The following GLIS3 variants were observed in gnomAD, a reference collection of about 807,000 sequenced individuals.
GLIS3 encodes the protein GLIS family zinc finger 3.
Under a neutral mutation model 78.6 loss-of-function variants are expected in GLIS3, and 53 were observed. The observed-to-expected ratio is 0.67, with a 90% CI of 0.54 to 0.85. The LOEUF is 0.85. Among genes scored for constraint, GLIS3 ranks in the 40% least tolerant of loss-of-function variants. The probability of loss-of-function intolerance (pLI) is 0.00; values close to 1 mark genes in which losing one functional copy is unlikely to be tolerated. For synonymous variants in GLIS3, 684 were observed against 509.9 expected (o/e 1.34, Z -4.60); for missense variants, 1,703 against 1,231.1 (o/e 1.38, Z -5.74).
intron 6 of GLIS3, among the ~76,000 whole-genome samples, chr9:3,921,539 T>A (rs751334922): frequency 2.0e-5 from 3 of 151,940 alleles, no homozygotes; most frequent in Non-Finnish European, 2.9e-5. Flanking sequence ...AAAGCTGGAG[T>A]TTAAACAAAA....
the GLIS3 span, among the ~76,000 whole-genome samples, chr9:4,397,220 T>C: frequency 7.0e-5 from 10 of 142,326 alleles, 1 homozygote; most frequent in Middle Eastern, 0.011. Flanking sequence ...AGAGACGGGG[T>C]TTCACCGTTT....
intron 4 of GLIS3, among the ~76,000 whole-genome samples, chr9:4,308,348 T>G (rs1817281695): frequency 6.8e-6 from 1 of 147,290 alleles, no homozygotes; most frequent in Non-Finnish European, 1.5e-5. Flanking sequence ...GGAGAGGAGG[T>G]GAGAAAACAG....
chr9:4,198,482 A>C (rs955862801), intron 2 of GLIS3, among the ~76,000 whole-genome samples: 2 of 152,206 alleles, frequency 1.3e-5, no homozygotes, highest in African/African-American at 4.8e-5. Flanking sequence ...CCAGTCTTTC[A>C]AACTAACCCC....
At chr9:4,024,001 G>A (rs904808208) in intron 4 of GLIS3, among the ~76,000 whole-genome samples, 4 of 150,204 alleles carry the variant, frequency 2.7e-5, no homozygotes, top group African/African-American at 9.8e-5. Flanking sequence ...TTCATTCATA[G>A]AGGATAAAAT....
At chr9:4,255,488 GGATA>G (rs763521044) in intron 2 of GLIS3, among the ~76,000 whole-genome samples, 18 of 152,168 alleles carry the variant, frequency 1.2e-4, no homozygotes, top group Non-Finnish European at 1.6e-4. Context: ...GTGGGTGAAT[GGATA>G]AACAGTCGTA....
chr9:3,915,043 T>C (rs945791071), intron 6 of GLIS3, among the ~76,000 whole-genome samples: 6 of 152,012 alleles, frequency 3.9e-5, no homozygotes, highest in African/African-American at 1.5e-4. Context: ...CATGACCTTT[T>C]GATGCTTTGG....
At chr9:4,053,705 T>TAAAAAAAAAAAAAAAAAAAAAAAAAAA (rs760535978) in intron 4 of GLIS3, among the ~76,000 whole-genome samples, 5 of 91,146 alleles carry the variant, frequency 5.5e-5, no homozygotes, top group African/African-American at 1.8e-4. Context: ...TCTTTCTTCA[T>TAAAAAAAAAAAAAAAAAAAAAAAAAAA]AAAAAAAAAA....
At chr9:4,400,028 C>T in the GLIS3 span, among the ~76,000 whole-genome samples, 1 of 152,078 alleles carries the variant, frequency 6.6e-6, no homozygotes, top group African/African-American at 2.4e-5. Context: ...GACAAGGCCA[C>T]AGGGCAAGCA....
chr9:4,312,877 G>A (rs984439781), intron 2 of GLIS3, among the ~76,000 whole-genome samples: 1 of 152,190 alleles, frequency 6.6e-6, no homozygotes, highest in Non-Finnish European at 1.5e-5. Flanking sequence ...GGCCAGGCAT[G>A]TTACATATAT....
At chr9:3,880,029 C>T (rs1038312000) in intron 7 of GLIS3, among the ~76,000 whole-genome samples, 1 of 152,132 alleles carries the variant, frequency 6.6e-6, no homozygotes, top group Non-Finnish European at 1.5e-5. Flanking sequence ...CTGCAGTGAG[C>T]CACGGTAGGT....
At chr9:4,135,493 G>A (rs1833337997) in intron 2 of GLIS3, among the ~76,000 whole-genome samples, 1 of 152,040 alleles carries the variant, frequency 6.6e-6, no homozygotes, top group African/African-American at 2.4e-5. Flanking sequence ...AACTATGACT[G>A]TTTTGACAAA....
At chr9:4,050,082 G>T (rs187095389) in intron 4 of GLIS3, among the ~76,000 whole-genome samples, 2 of 152,236 alleles carry the variant, frequency 1.3e-5, no homozygotes, top group African/African-American at 2.4e-5. Flanking sequence ...ATTTGACCCA[G>T]CCATCCCATT....
intron 4 of GLIS3, among the ~76,000 whole-genome samples, chr9:4,004,594 T>C (rs1821393140): frequency 6.6e-6 from 1 of 152,150 alleles, no homozygotes; most frequent in African/African-American, 2.4e-5. Context: ...TTGGAGAAGT[T>C]TGGCATCACT....
the GLIS3 span, among the ~76,000 whole-genome samples, chr9:4,464,111 C>T: frequency 2.2e-4 from 34 of 152,196 alleles, no homozygotes; most frequent in Admixed American, 5.9e-4. Flanking sequence ...GAAAAAATCA[C>T]TCCCTTTTCA....
intron 4 of GLIS3, among the ~76,000 whole-genome samples, chr9:4,012,197 T>A (rs1261932758): frequency 6.6e-6 from 1 of 152,176 alleles, no homozygotes; most frequent in South Asian, 2.1e-4. Flanking sequence ...ACAATGCAAG[T>A]ATGGGGCAGT....
intron 2 of GLIS3, among the ~76,000 whole-genome samples, chr9:4,267,851 C>T (rs1228307411): frequency 6.6e-6 from 1 of 152,060 alleles, no homozygotes; most frequent in Non-Finnish European, 1.5e-5. Context: ...CCCAAGACAA[C>T]GTTTCTACTA....
intron 8 of GLIS3, among the ~76,000 whole-genome samples, chr9:3,860,545 A>G (rs1820145722): frequency 6.6e-6 from 1 of 152,092 alleles, no homozygotes; most frequent in African/African-American, 2.4e-5. Context: ...CAACTGAGAC[A>G]CGTAGACCCT....
intron 2 of GLIS3, among the ~76,000 whole-genome samples, chr9:4,232,249 T>C (rs1188832156): frequency 1.3e-5 from 2 of 151,724 alleles, no homozygotes; most frequent in African/African-American, 2.4e-5. Context: ...CATGGTGGCA[T>C]GCACCTCTGT....
intron 2 of GLIS3, among the ~76,000 whole-genome samples, chr9:4,157,569 T>C (rs968461283): frequency 6.6e-6 from 1 of 152,182 alleles, no homozygotes; most frequent in Non-Finnish European, 1.5e-5. Flanking sequence ...TTAAATCAAG[T>C]ATGTGGAAAT....
Sources: gnomAD v4.1 joint callset for allele counts (sites outside exome capture counted in the v4.1 genomes callset) on GRCh38, gnomAD v4.1.1 for gene constraint, MANE v1.5 for transcripts, NCBI Gene and HGNC (gene_info 2026-07-23, HGNC 2026-07-21) for gene names.